DAB1: variants seen among roughly 807,000 people sequenced by gnomAD.
DAB1 encodes the protein disabled homolog 1.
DAB1 carries 15 observed loss-of-function variants against 64.6 expected under a neutral mutation model. The observed-to-expected ratio is 0.23, with a 90% CI of 0.16 to 0.36. The LOEUF (loss-of-function observed/expected upper bound fraction) is 0.36. Ranked by LOEUF, DAB1 falls within the 10% of genes least tolerant of loss-of-function variation. DAB1 has a pLI of 1.00. For synonymous variants in DAB1, 235 were observed against 251.9 expected (o/e 0.93, Z 0.64); for missense variants, 596 against 706.7 (o/e 0.84, Z 1.78).
intron 3 of DAB1, among the ~76,000 whole-genome samples, chr1:58,494,032 A>C (rs570338020): frequency 6.6e-6 from 1 of 152,076 alleles, no homozygotes; most frequent in Non-Finnish European, 1.5e-5. Flanking sequence ...ACAAGGCTAC[A>C]GTAACCAAAA....
intron 7 of DAB1, among the ~76,000 whole-genome samples, chr1:57,502,116 CGA>C (rs1491419324): frequency 6.6e-6 from 1 of 151,820 alleles, no homozygotes; most frequent in Non-Finnish European, 1.5e-5. Context: ...GTCAGGAGAT[CGA>C]GACCATCCTG....
chr1:58,534,539 TAA>T (rs993169374), intron 1 of DAB1, among the ~76,000 whole-genome samples: 1 of 152,250 alleles, frequency 6.6e-6, no homozygotes, highest in Non-Finnish European at 1.5e-5. Context: ...ATTCTAATAC[TAA>T]GTTTTTTTAT....
intron 3 of DAB1, among the ~76,000 whole-genome samples, chr1:58,346,639 C>T (rs552842973): frequency 1.3e-5 from 2 of 152,160 alleles, no homozygotes; most frequent in Non-Finnish European, 2.9e-5. Context: ...GCTGCCACAG[C>T]CAGATATGTG....
chr1:57,537,944 G>T (rs982343200), intron 7 of DAB1, among the ~76,000 whole-genome samples: 1 of 152,026 alleles, frequency 6.6e-6, no homozygotes, highest in Non-Finnish European at 1.5e-5. Context: ...AGAAGGCTAG[G>T]GGGGCATGCA....
chr1:57,028,682 G>A (rs1168206381), intron 9 of DAB1, among the ~76,000 whole-genome samples: 1 of 152,140 alleles, frequency 6.6e-6, no homozygotes, highest in Non-Finnish European at 1.5e-5. Context: ...GGAACTGGTT[G>A]GGAACTGGAG....
At chr1:58,099,620 T>C (rs1651190738) in intron 5 of DAB1, among the ~76,000 whole-genome samples, 1 of 152,178 alleles carries the variant, frequency 6.6e-6, no homozygotes, top group South Asian at 2.1e-4. Flanking sequence ...ACACCAGCCA[T>C]AGACCCAGGG....
intron 5 of DAB1, among the ~76,000 whole-genome samples, chr1:58,049,911 G>GA (rs11439889): frequency 0.23 from 35,049 of 151,678 alleles, 4,174 homozygotes; most frequent in Admixed American, 0.24. Context: ...AAATTATTTT[G>GA]AAAAAACCAT....
At chr1:58,502,506 A>T (rs1469040591) in intron 3 of DAB1, among the ~76,000 whole-genome samples, 4 of 152,204 alleles carry the variant, frequency 2.6e-5, no homozygotes, top group Admixed American at 2.6e-4. Context: ...TGTATTCTCA[A>T]CTGCCTTTGA....
intron 2 of DAB1, among the ~76,000 whole-genome samples, chr1:57,266,211 T>C (rs969088208): frequency 6.6e-6 from 1 of 152,198 alleles, no homozygotes; most frequent in Non-Finnish European, 1.5e-5. Flanking sequence ...GTATGTGATG[T>C]TGGGCAAATT....
chr1:58,206,404 G>C (rs1570483161), intron 4 of DAB1, among the ~76,000 whole-genome samples: 1 of 152,180 alleles, frequency 6.6e-6, no homozygotes, highest in East Asian at 1.9e-4. Context: ...TTTAATCTCA[G>C]TTGCTATTTT....
Position 57,291,156 on chromosome 1 carries a change from C to A in DAB1, c.-126G>T, listed in dbSNP as rs758072721. On this transcript the variant is annotated 5_prime_UTR_variant, in exon 2 of 15. Transcript: ENST00000371236. ...CTCTGAGCTGCACATTTCATTCACT[C>A]TTTTTGAGTGCTGCAAATCAAGGCA... 109 of 504,572 alleles carry A rather than the reference C, an allele frequency of 2.2e-4. No homozygotes were observed. The highest frequency in any genetic ancestry group is 3.7e-4 in the Non-Finnish European group (104 of 281,464). 31.3% of individuals were successfully genotyped at this position (504,572 alleles called of 1,614,324 possible).
At position 57,245,240 on chromosome 1, in the gene DAB1, C is replaced by T. The variant is rs574476695; in HGVS notation, c.67+45724G>A. Among the ~76,000 whole-genome samples the T allele has an allele frequency of 1.3e-4, 20 of 152,200 alleles. No individual in the cohort carries two copies. The South Asian group carries it at 3.5e-3, about 27-fold the overall frequency. ...CCTGCCCTAGAAATCTGTGGAGTTT[C>T]GAACTTGAGTGAGATGATTTAGGGT... On this transcript the variant is annotated intron_variant, in intron 2 of 14. Transcript: ENST00000371236.
At chr1:57,708,496 G>A (rs151086936) in intron 6 of DAB1, among the ~76,000 whole-genome samples, 2 of 152,344 alleles carry the variant, frequency 1.3e-5, no homozygotes, top group Non-Finnish European at 2.9e-5. Flanking sequence ...TCTGAGATCA[G>A]CAAAGCAGCA....
intron 3 of DAB1, among the ~76,000 whole-genome samples, chr1:58,368,988 T>C (rs547732743): frequency 6.6e-6 from 1 of 152,222 alleles, no homozygotes; most frequent in East Asian, 1.9e-4. Context: ...GCCACTGCAC[T>C]CCAGCCTAGA....
intron 11 of DAB1, among the ~76,000 whole-genome samples, chr1:57,016,972 A>G (rs1318546842): frequency 6.6e-6 from 1 of 152,160 alleles, no homozygotes; most frequent in Non-Finnish European, 1.5e-5. Context: ...ATGAAGTAGG[A>G]GCAGGGTCAA....
chr1:58,521,821 C>A (rs1007493573), intron 2 of DAB1, among the ~76,000 whole-genome samples: 2 of 152,108 alleles, frequency 1.3e-5, no homozygotes, highest in Non-Finnish European at 2.9e-5. Context: ...CCCAGGAATT[C>A]TCCAAACGTT....
rs77715218 is a variant in DAB1, at chr1:57,498,409, C to A, written n.625+151183G>T. On this transcript the variant is annotated intron_variant and non_coding_transcript_variant, in intron 7 of 20. Coordinates refer to the DAB1 transcript ENST00000485760. ...TTAATGGCCAAGTAGAAAAAGATGGCCTGAAAGGGCACAAAGGAATAACCA... is the reference window on the plus strand; with the variant it reads ...TTAATGGCCAAGTAGAAAAAGATGGACTGAAAGGGCACAAAGGAATAACCA... Among the ~76,000 whole-genome samples the A allele has an allele frequency of 1.4e-3, 206 of 152,136 alleles. 2 individuals carry two copies. Among genetic ancestry groups the A allele is most frequent in the African/African-American group, 4.4e-3 (184 of 41,512 alleles).
At chr1:57,541,329 C>A (rs1644801500) in intron 7 of DAB1, among the ~76,000 whole-genome samples, 1 of 152,034 alleles carries the variant, frequency 6.6e-6, no homozygotes, top group African/African-American at 2.4e-5. Flanking sequence ...TGGGGTTTCA[C>A]CGTGTTAGCC....
At chr1:58,021,626 G>GC (rs1392712144) in intron 5 of DAB1, among the ~76,000 whole-genome samples, 1 of 152,184 alleles carries the variant, frequency 6.6e-6, no homozygotes, top group Non-Finnish European at 1.5e-5. Context: ...GAAAAATGAG[G>GC]CAAGTATGGA....
Sources: allele counts gnomAD v4.1 joint callset (sites outside exome capture counted in the v4.1 genomes callset), GRCh38; gene constraint gnomAD v4.1.1; transcripts MANE v1.5; gene names NCBI Gene and HGNC (gene_info 2026-07-23, HGNC 2026-07-21).